The following LHX8 variants were observed in gnomAD, a reference collection of about 807,000 sequenced individuals.
LHX8 encodes LIM homeobox 8, also known as LIM/homeobox protein Lhx8.
A neutral mutation model predicts 40.3 loss-of-function variants in LHX8; 12 were observed. That is an observed-to-expected ratio of 0.30 (90% CI 0.19 to 0.48). The LOEUF (loss-of-function observed/expected upper bound fraction) is 0.48. LHX8 is among the 20% of genes least tolerant of loss of function. The pLI, the probability that LHX8 is intolerant of heterozygous loss-of-function variation, is 0.99. For missense variants in LHX8, 344 were observed against 433.7 expected (o/e 0.79, Z 1.84); for synonymous variants, 179 against 162.0 (o/e 1.10, Z -0.80).
chr1:75,171,068 G>T, the LHX8 span, among the ~76,000 whole-genome samples: 1 of 152,118 alleles, frequency 6.6e-6, no homozygotes, highest in Non-Finnish European at 1.5e-5. Flanking sequence ...TGAAAGTTGA[G>T]AATGAGGGAG....
At chr1:75,178,551 A>G in the LHX8 span, among the ~76,000 whole-genome samples, 1 of 151,264 alleles carries the variant, frequency 6.6e-6, no homozygotes, top group African/African-American at 2.4e-5. Flanking sequence ...CATCTATTTG[A>G]TTCTTCTCTC....
At chr1:75,151,383 A>G (rs573603466) in intron 7 of LHX8, among the ~76,000 whole-genome samples, 74 of 152,348 alleles carry the variant, frequency 4.9e-4, no homozygotes, top group African/African-American at 1.6e-3. Context: ...TCTGAAAAAC[A>G]TACTACCTCA....
chr1:75,146,140 C>T (rs1343246482), intron 6 of LHX8, among the ~76,000 whole-genome samples: 12 of 152,102 alleles, frequency 7.9e-5, no homozygotes, highest in Admixed American at 3.9e-4. Flanking sequence ...TATTGTCAAA[C>T]TCTCCTACAT....
the LHX8 span, among the ~76,000 whole-genome samples, chr1:75,189,485 T>A: frequency 4.6e-5 from 7 of 152,138 alleles, no homozygotes; most frequent in African/African-American, 1.7e-4. Flanking sequence ...ACATAGCACA[T>A]GCAGCTGATA....
In LHX8 at chr1:75,161,367, T is replaced by C. The variant is rs1648914384; in HGVS notation, c.*472T>C. The C allele has an allele frequency of 5.7e-6, 1 of 174,272 alleles. No homozygotes were observed. The highest frequency in any genetic ancestry group is 5.8e-5 in the Admixed American group (1 of 17,182). 10.8% of individuals were successfully genotyped at this position (174,272 alleles called of 1,614,324 possible). A position where few individuals can be genotyped will look rare whatever the true frequency, so the allele number is the denominator to read the frequency against. On this transcript the variant is annotated 3_prime_UTR_variant, in exon 9 of 9. Coordinates refer to ENST00000356261, the MANE Select transcript of LHX8 (RefSeq NM_001256114.2). ...TGTGAATTTGCAACTGAAATTTATT[T>C]TGCCAATGTTTTCTGAATGAACTGA... is the stretch of plus-strand genomic sequence containing the variant.
chr1:75,180,064 T>G, the LHX8 span, among the ~76,000 whole-genome samples: 2 of 152,334 alleles, frequency 1.3e-5, no homozygotes, highest in South Asian at 4.1e-4. Context: ...GATCAGCTGT[T>G]AGTCTGATAG....
At chr1:75,144,377 T>C (rs1037187316) in intron 6 of LHX8, among the ~76,000 whole-genome samples, 5 of 152,132 alleles carry the variant, frequency 3.3e-5, no homozygotes, top group Non-Finnish European at 7.4e-5. Context: ...CAAACTGCAA[T>C]GAGTCATTTA....
chr1:75,149,047 T>C (rs984343400), intron 7 of LHX8, among the ~76,000 whole-genome samples: 1 of 152,244 alleles, frequency 6.6e-6, no homozygotes, highest in Non-Finnish European at 1.5e-5. Context: ...AATGAGTCTT[T>C]GCTCATGTTA....
chr1:75,154,389 GT>G (rs1320349703), intron 7 of LHX8, among the ~76,000 whole-genome samples: 6 of 130,682 alleles, frequency 4.6e-5, no homozygotes, highest in Non-Finnish European at 1.7e-5. Flanking sequence ...CAAAGTTTGA[GT>G]GTTTTTTTTT....
downstream of LHX8, among the ~76,000 whole-genome samples, chr1:75,161,897 C>T (rs1475958433): frequency 2.0e-5 from 3 of 152,058 alleles, no homozygotes; most frequent in Admixed American, 1.3e-4. Flanking sequence ...GGTGAATACC[C>T]TTTAGGGATG....
the LHX8 span, among the ~76,000 whole-genome samples, chr1:75,186,847 A>G: frequency 6.6e-6 from 1 of 152,214 alleles, no homozygotes; most frequent in Admixed American, 6.5e-5. Flanking sequence ...AAACTGAAGC[A>G]TAGAAAGTTT....
the LHX8 span, among the ~76,000 whole-genome samples, chr1:75,193,267 C>A: frequency 2.0e-5 from 3 of 152,258 alleles, no homozygotes; most frequent in Non-Finnish European, 2.9e-5. Flanking sequence ...ATGATCCCAG[C>A]ACATTGCCTT....
chr1:75,151,136 A>G (rs572285315), intron 7 of LHX8, among the ~76,000 whole-genome samples: 1 of 152,294 alleles, frequency 6.6e-6, no homozygotes, highest in East Asian at 1.9e-4. Flanking sequence ...ATGGGTACTT[A>G]TTCTTCTGTA....
At chr1:75,193,875 C>T in the LHX8 span, among the ~76,000 whole-genome samples, 2 of 152,144 alleles carry the variant, frequency 1.3e-5, no homozygotes, top group Admixed American at 6.5e-5. Flanking sequence ...GTCCACAAAC[C>T]ATGTCTATTT....
chr1:75,131,067 C>T, upstream of LHX8: 1 of 416,128 alleles, frequency 2.4e-6, no homozygotes, highest in East Asian at 5.1e-5. Flanking sequence ...AGGGAAAGCT[C>T]GGGTCCGCAA....
At chr1:75,170,949 C>G in the LHX8 span, among the ~76,000 whole-genome samples, 2 of 152,108 alleles carry the variant, frequency 1.3e-5, no homozygotes, top group African/African-American at 4.8e-5. Flanking sequence ...ATTATCATTC[C>G]CACTTTACAG....
chr1:75,183,501 C>A, the LHX8 span, among the ~76,000 whole-genome samples: 1 of 152,080 alleles, frequency 6.6e-6, no homozygotes, highest in East Asian at 1.9e-4. Context: ...AATCTTCAAC[C>A]AAGAATTACA....
chr1:75,160,838 T>TG lies in LHX8; in HGVS notation c.986dup (p.Leu330ThrfsTer47). On this transcript the variant is annotated frameshift_variant, in exon 9 of 9. Coordinates refer to ENST00000356261, the MANE Select transcript of LHX8 (RefSeq NM_001256114.2). LOFTEE classifies it high-confidence loss of function. ...TTGTAGCTCATTCACCAACAACTCT[T>TG]GGACTCCAGCCCTTGTTACCCCATT... The TG allele has an allele frequency of 6.2e-7, 1 of 1,613,172 alleles. No homozygotes were observed.
intron 1 of LHX8, among the ~76,000 whole-genome samples, chr1:75,135,465 G>A (rs907624583): frequency 3.3e-5 from 5 of 152,230 alleles, no homozygotes; most frequent in Non-Finnish European, 7.3e-5. Flanking sequence ...TGGGTCCCGC[G>A]TAGGGAGCGC....
Sources: allele counts gnomAD v4.1 joint callset (sites outside exome capture counted in the v4.1 genomes callset), GRCh38; gene constraint gnomAD v4.1.1; transcripts MANE v1.5; gene names NCBI Gene and HGNC (gene_info 2026-07-23, HGNC 2026-07-21).